The following CEP83 variants were observed in gnomAD, a reference collection of about 807,000 sequenced individuals.
The protein encoded by CEP83 is centrosomal protein 83.
Under a neutral mutation model 101.9 loss-of-function variants are expected in CEP83, and 70 were observed. That is an observed-to-expected ratio of 0.69 (90% confidence interval 0.57 to 0.84). The LOEUF (loss-of-function observed/expected upper bound fraction) is 0.84, where lower values mean the gene tolerates loss of function less well. CEP83 is among the 40% of genes least tolerant of loss of function. CEP83 has a pLI of 0.00. For missense variants in CEP83, 715 were observed against 787.2 expected, an observed-to-expected ratio of 0.91 and a Z score of 1.10; for synonymous variants, 264 against 267.9, an observed-to-expected ratio of 0.99 and a Z score of 0.14.
At chr12:94,291,958 C>T in the CEP83 span, among the ~76,000 whole-genome samples, 1 of 152,182 alleles carries the variant, frequency 6.6e-6, no homozygotes, top group African/African-American at 2.4e-5. Context: ...TCTTTATAGA[C>T]ACTTCATATC....
At chr12:94,379,154 C>G in intron 6 of CEP83, 112 bp from the exon 7 acceptor site, 2 of 949,318 alleles carry the variant, frequency 2.1e-6, no homozygotes, top group African/African-American at 3.3e-5. Context: ...AGCTCAGGTG[C>G]TGAAACAAAG....
intron 16 of CEP83, among the ~76,000 whole-genome samples, chr12:94,309,144 TA>T (rs759251269): frequency 7.2e-5 from 11 of 152,190 alleles, no homozygotes; most frequent in Non-Finnish European, 1.6e-4. Context: ...CTTCTCTAGG[TA>T]TAAAATTCAC....
chr12:94,333,000 T>C (rs1301231977), intron 13 of CEP83, among the ~76,000 whole-genome samples: 1 of 132,688 alleles, frequency 7.5e-6, no homozygotes, highest in Non-Finnish European at 1.5e-5. Flanking sequence ...ATTTTATCCC[T>C]ACCAGTTTTA....
chr12:94,306,683 T>C (rs1019122204), downstream of CEP83: 2 of 152,156 alleles, frequency 1.3e-5, no homozygotes, highest in Admixed American at 6.6e-5. Flanking sequence ...CTTGAAATCA[T>C]TTACCAACAC....
At chr12:94,402,006 G>C (rs2137595846) in intron 5 of CEP83, among the ~76,000 whole-genome samples, 1 of 152,300 alleles carries the variant, frequency 6.6e-6, no homozygotes, top group East Asian at 1.9e-4. Context: ...ATAATCATTT[G>C]TATGTATAAG....
At chr12:94,319,381 C>T (rs545872212) in intron 14 of CEP83, among the ~76,000 whole-genome samples, 3 of 152,148 alleles carry the variant, frequency 2.0e-5, no homozygotes, top group Non-Finnish European at 4.4e-5. Flanking sequence ...AATGGCTGTT[C>T]ATGTTTTGAT....
chr12:94,425,367 G>A (rs935342188), intron 2 of CEP83, among the ~76,000 whole-genome samples: 8 of 152,264 alleles, frequency 5.3e-5, no homozygotes, highest in African/African-American at 1.7e-4. Context: ...ATCCCATGGA[G>A]GGATCCTGTC....
At chr12:94,434,436 A>G (rs1317518337) in intron 2 of CEP83, among the ~76,000 whole-genome samples, 1 of 152,232 alleles carries the variant, frequency 6.6e-6, no homozygotes, top group Non-Finnish European at 1.5e-5. Flanking sequence ...ATCTTAGAAA[A>G]TATTTTTTAC....
At chr12:94,420,148 T>G (rs947678953) in intron 2 of CEP83, among the ~76,000 whole-genome samples, 1 of 152,122 alleles carries the variant, frequency 6.6e-6, no homozygotes, top group Non-Finnish European at 1.5e-5. Context: ...AGACTGACGA[T>G]AAGTCTGGAG....
intron 1 of CEP83, 22 bp from the exon 2 acceptor site, chr12:94,435,349 G>C (rs553766063): frequency 6.6e-6 from 1 of 152,336 alleles, no homozygotes; most frequent in East Asian, 1.9e-4. Context: ...AAGACACAAA[G>C]AGGAATCTGA....
chr12:94,379,656 G>T (rs1228203074), intron 6 of CEP83, among the ~76,000 whole-genome samples: 1 of 152,050 alleles, frequency 6.6e-6, no homozygotes, highest in African/African-American at 2.4e-5. Context: ...TGGGGAACTT[G>T]CAGAGCAGAG....
intron 6 of CEP83, among the ~76,000 whole-genome samples, chr12:94,382,587 T>C (rs2061910155): frequency 6.6e-6 from 1 of 152,102 alleles, no homozygotes; most frequent in East Asian, 1.9e-4. Flanking sequence ...TGTTTTTCTT[T>C]GAAATTTCCA....
chr12:94,283,513 A>G, the CEP83 span, among the ~76,000 whole-genome samples: 1 of 152,226 alleles, frequency 6.6e-6, no homozygotes, highest in Admixed American at 6.5e-5. Flanking sequence ...CTGATTTATC[A>G]AGACAGGAAT....
rs911675671 is a variant in CEP83 at position 94,375,898 on chromosome 12, T to C, written c.921A>G (p.Thr307=). ...TAAAACAACTTACTTTACTGGACAA[T>C]GTATTTATTTCTCGTTCAGCTTTAT... The part of the protein sequence containing the change: ...KLHKAEREIN[T]LSSKVKELKH... The change falls in exon 8 of 17, where the codon ACA becomes ACG. Residue 307 remains threonine, a synonymous_variant. Coordinates refer to ENST00000397809, the MANE Select transcript of CEP83 (RefSeq NM_016122.3). The C allele has an allele frequency of 5.4e-6, 8 of 1,482,102 alleles. No homozygotes were observed. In the Admixed American group the frequency reaches 5.7e-5, roughly 11 times the overall value. 91.8% of individuals were successfully genotyped at this position (1,482,102 alleles called of 1,614,324 possible).
chr12:94,420,928 G>A (rs2064690907), intron 2 of CEP83, among the ~76,000 whole-genome samples: 1 of 152,136 alleles, frequency 6.6e-6, no homozygotes, highest in Non-Finnish European at 1.5e-5. Flanking sequence ...ATTACTTGAT[G>A]AGGCTAGTAA....
intron 11 of CEP83, among the ~76,000 whole-genome samples, chr12:94,362,131 T>C (rs1345786398): frequency 7.2e-5 from 11 of 152,112 alleles, no homozygotes; most frequent in Non-Finnish European, 1.3e-4. Context: ...TCATGAAAAA[T>C]TGTTCAACAT....
At chr12:94,338,453 G>C (rs1472131808) in intron 11 of CEP83, among the ~76,000 whole-genome samples, 1 of 152,088 alleles carries the variant, frequency 6.6e-6, no homozygotes, top group Non-Finnish European at 1.5e-5. Context: ...GCTTACAAAT[G>C]CTCATTTCTC....
Position 94,404,721 on chromosome 12 carries a change from T to C in CEP83, c.325-1459A>G, listed in dbSNP as rs376759135. ...AAATTTATTTTATTTAAAATGAATATATACAATTACATAAATAAAATAATT... is the reference window on the plus strand; with the variant it reads ...AAATTTATTTTATTTAAAATGAATACATACAATTACATAAATAAAATAATT... On this transcript the variant is annotated intron_variant, in intron 4 of 16. Coordinates refer to ENST00000397809, the MANE Select transcript of CEP83 (RefSeq NM_016122.3). Among the ~76,000 whole-genome samples, 8 of 152,252 alleles carry C rather than the reference T, an allele frequency of 5.3e-5. No individual in the cohort carries two copies. The South Asian group carries it at 1.5e-3, about 28-fold the overall frequency.
In CEP83 at chr12:94,450,323, C is replaced by T. The variant is rs2067156340; in HGVS notation, c.-155+9234G>A. ...CTGGAGTGCAGTGGCACAATCTCAG[C>T]TCACTGCAAGCTCCGCCTCCCGGGT... is the stretch of plus-strand genomic sequence containing the variant. On this transcript the variant is annotated intron_variant, in intron 1 of 16. Coordinates refer to ENST00000397809, the MANE Select transcript of CEP83 (RefSeq NM_016122.3). 2.0e-5 allele frequency among the ~76,000 whole-genome samples: 3 copies of T among 152,182 alleles called. No individual in the cohort carries two copies. In the South Asian group the frequency reaches 6.2e-4, roughly 32 times the overall value.
Sources: gnomAD v4.1 joint callset for allele counts (sites outside exome capture counted in the v4.1 genomes callset) on GRCh38, gnomAD v4.1.1 for gene constraint, MANE v1.5 for transcripts, NCBI Gene and HGNC (gene_info 2026-07-23, HGNC 2026-07-21) for gene names.